The following NMBR variants were observed in gnomAD, a reference collection of about 807,000 sequenced individuals.
NMBR encodes the protein neuromedin-B receptor.
Under a neutral mutation model 20.5 loss-of-function variants are expected in NMBR, and 16 were observed. The ratio of observed to expected loss-of-function variants is 0.78; its 90% confidence interval spans 0.53 to 1.19. The LOEUF (loss-of-function observed/expected upper bound fraction) is 1.19. Among genes scored for constraint, NMBR ranks in the 50% most tolerant of loss-of-function variants. NMBR has a pLI of 0.00. For synonymous variants in NMBR, 212 were observed against 196.6 expected (o/e 1.08, Z -0.65); for missense variants, 582 against 499.1 (o/e 1.17, Z -1.58).
chr6:142,123,248 G>A (rs1456858147), intron 1 of NMBR, among the ~76,000 whole-genome samples: 1 of 151,970 alleles, frequency 6.6e-6, no homozygotes, highest in Non-Finnish European at 1.5e-5. Flanking sequence ...GAAAGAGCAA[G>A]AGGATTAGAA....
At chr6:142,110,946 A>G (rs750687662) in intron 1 of NMBR, among the ~76,000 whole-genome samples, 2 of 152,174 alleles carry the variant, frequency 1.3e-5, no homozygotes, top group East Asian at 1.9e-4. Context: ...CATAGATCAA[A>G]TAAGACATAC....
chr6:142,110,464 A>G (rs970509524), intron 1 of NMBR, among the ~76,000 whole-genome samples: 3 of 152,212 alleles, frequency 2.0e-5, no homozygotes. Flanking sequence ...GCTAATTTTG[A>G]AAGATCACTA....
At chr6:142,092,384 A>C (rs1777342277) in intron 1 of NMBR, among the ~76,000 whole-genome samples, 1 of 152,156 alleles carries the variant, frequency 6.6e-6, no homozygotes, top group Non-Finnish European at 1.5e-5. Context: ...TCTCTATGTA[A>C]TACTATATGT....
At chr6:142,081,040 T>G (rs1251915742) in intron 2 of NMBR, among the ~76,000 whole-genome samples, 5 of 152,216 alleles carry the variant, frequency 3.3e-5, no homozygotes, top group Admixed American at 3.3e-4. Flanking sequence ...TTCTGAAGAC[T>G]AGGAAATCTA....
intron 2 of NMBR, among the ~76,000 whole-genome samples, chr6:142,083,862 G>A (rs1777151430): frequency 6.6e-6 from 1 of 152,102 alleles, no homozygotes; most frequent in Non-Finnish European, 1.5e-5. Flanking sequence ...CTTTATAGCA[G>A]CGTGAGTAAT....
chr6:142,100,251 C>T (rs1414947330), intron 1 of NMBR, among the ~76,000 whole-genome samples: 2 of 152,106 alleles, frequency 1.3e-5, no homozygotes, highest in African/African-American at 4.8e-5. Context: ...CACACAAAAA[C>T]CAACACATGG....
intron 1 of NMBR, chr6:142,133,129 C>T: frequency 1.5e-6 from 1 of 653,764 alleles, no homozygotes; most frequent in South Asian, 1.7e-5. Context: ...AATTAACCAA[C>T]AGGAATGCCA....
At chr6:142,134,607 C>T (rs1438644901) in intron 1 of NMBR, 2 of 668,176 alleles carry the variant, frequency 3.0e-6, no homozygotes, top group Non-Finnish European at 5.4e-6. Flanking sequence ...GTAAAAGCAT[C>T]AATCAAGAAT....
intron 1 of NMBR, among the ~76,000 whole-genome samples, chr6:142,120,373 G>C (rs1226772010): frequency 6.6e-6 from 1 of 151,940 alleles, no homozygotes; most frequent in Non-Finnish European, 1.5e-5. Flanking sequence ...GAGCCCAGTG[G>C]TCTCACTGAA....
chr6:142,130,787 T>C (rs571791209), intron 1 of NMBR, among the ~76,000 whole-genome samples: 68 of 152,224 alleles, frequency 4.5e-4, no homozygotes, highest in Admixed American at 1.6e-3. Context: ...GGAAGACACT[T>C]TCGGCCAAGA....
intron 2 of NMBR, among the ~76,000 whole-genome samples, chr6:142,079,507 T>G (rs1019056236): frequency 6.6e-6 from 1 of 152,200 alleles, no homozygotes; most frequent in Non-Finnish European, 1.5e-5. Context: ...GTTACATCTA[T>G]CATAATGTAT....
intron 1 of NMBR, among the ~76,000 whole-genome samples, chr6:142,111,756 C>G (rs906778808): frequency 2.0e-5 from 3 of 152,120 alleles, no homozygotes; most frequent in African/African-American, 7.2e-5. Context: ...GACCAGAGAA[C>G]GTGCATCAGT....
chr6:142,078,724 T>C lies in NMBR; in HGVS notation c.602A>G (p.Tyr201Cys). 1 of 1,613,856 alleles carries C rather than the reference T, an allele frequency of 6.2e-7. No homozygotes were observed. The highest frequency in any genetic ancestry group is 8.5e-7 in the Non-Finnish European group (1 of 1,179,970). ...TGGATGTAATTCATCTGTTTGAGGG[T>C]ATGGGATACATGCTGTGAAGCTGCT... Reference protein sequence around the residue: ...DNSSFTACIPYPQTDELHPKI... With the variant: ...DNSSFTACIPCPQTDELHPKI... The change falls in exon 3 of 4, where the codon TAC (tyrosine) becomes TGC (cysteine). Residue 201 changes from tyrosine (Y) to cysteine (C), a missense_variant. Physicochemically the swap from Tyr to Cys is radical, Grantham distance 194 (BLOSUM62 -2). Transcript: ENST00000258042.
At position 142,100,233 on chromosome 6, in the gene NMBR, C is replaced by T. The variant is rs1777534582; in HGVS notation, c.-663-10912G>A. Among the ~76,000 whole-genome samples, 2 of 152,248 alleles carry T rather than the reference C, an allele frequency of 1.3e-5. 1 individual carries two copies. The highest frequency in any genetic ancestry group is 6.8e-3 in the Middle Eastern group (2 of 294). ...CCTGTTTACCCAAAATATTTGAAAA[C>T]ATATGTCCACACAAAAACCAACACA... On this transcript the variant is annotated intron_variant, in intron 1 of 3. Coordinates refer to ENST00000258042, the MANE Select transcript of NMBR (RefSeq NM_002511.4).
intron 1 of NMBR, among the ~76,000 whole-genome samples, chr6:142,101,384 T>C (rs1230890294): frequency 6.6e-6 from 1 of 152,202 alleles, no homozygotes; most frequent in Non-Finnish European, 1.5e-5. Flanking sequence ...AATTGATCAT[T>C]GATCAAAATT....
chr6:142,096,380 A>C lies in NMBR; in HGVS notation c.-663-7059T>G, dbSNP rs549043608. On this transcript the variant is annotated intron_variant, in intron 1 of 3. Coordinates refer to ENST00000258042, the MANE Select transcript of NMBR (RefSeq NM_002511.4). ...TTTGTTCTCATTGGTTTCAAAGAACATCTTTATTTCTGCCTTCATTTCGTT... is the reference window on the plus strand; with the variant it reads ...TTTGTTCTCATTGGTTTCAAAGAACCTCTTTATTTCTGCCTTCATTTCGTT... 3.5e-3 allele frequency among the ~76,000 whole-genome samples: 540 copies of C among 152,278 alleles called. 4 individuals carry two copies. The highest frequency in any genetic ancestry group is 0.012 in the African/African-American group (512 of 41,534).
At position 142,078,738 on chromosome 6, in the gene NMBR, T is replaced by C. The variant is rs887397945; in HGVS notation, c.588A>G (p.Thr196=). The C allele has an allele frequency of 3.1e-6, 5 of 1,613,938 alleles. No individual in the cohort carries two copies. The highest frequency in any genetic ancestry group is 4.2e-6 in the Non-Finnish European group (5 of 1,180,020). ...CTGTTTGAGGGTATGGGATACATGC[T>C]GTGAAGCTGCTATTATCCAAGCTAC... is the stretch of plus-strand genomic sequence containing the variant. The part of the protein sequence containing the change: ...RISSLDNSSF[T]ACIPYPQTDE... The change falls in exon 3 of 4, where the codon ACA becomes ACG. Residue 196 remains threonine (T), a synonymous_variant. Coordinates refer to ENST00000258042, the MANE Select transcript of NMBR (RefSeq NM_002511.4).
chr6:142,099,066 T>C (rs2114578642), intron 1 of NMBR, among the ~76,000 whole-genome samples: 1 of 152,264 alleles, frequency 6.6e-6, no homozygotes, highest in South Asian at 2.1e-4. Flanking sequence ...CCAAGATTAG[T>C]CCTTTCAACA....
At chr6:142,140,545 A>C (rs974815421) in intron 1 of NMBR, among the ~76,000 whole-genome samples, 2 of 152,178 alleles carry the variant, frequency 1.3e-5, no homozygotes, top group Non-Finnish European at 2.9e-5. Context: ...AGGTAGTGGA[A>C]CCAAACCCAA....
Sources: allele counts gnomAD v4.1 joint callset (sites outside exome capture counted in the v4.1 genomes callset), GRCh38; gene constraint gnomAD v4.1.1; transcripts MANE v1.5; gene names NCBI Gene and HGNC (gene_info 2026-07-23, HGNC 2026-07-21).